Variants in MCM6 observed in about 807,000 individuals in gnomAD.
MCM6 encodes the protein DNA replication licensing factor MCM6.
MCM6 carries 46 observed loss-of-function variants against 94.3 expected under a neutral mutation model. The ratio of observed to expected loss-of-function variants is 0.49; its 90% CI spans 0.39 to 0.62. The LOEUF (loss-of-function observed/expected upper bound fraction) is 0.62, where lower values mean the gene tolerates loss of function less well. Ranked by LOEUF, MCM6 falls within the 20% of genes least tolerant of loss-of-function variation. MCM6 has a pLI of 0.00. For missense variants in MCM6, 865 were observed against 1,017.9 expected, an observed-to-expected ratio of 0.85 and a Z score of 2.04; for synonymous variants, 335 against 351.9, an observed-to-expected ratio of 0.95 and a Z score of 0.54.
At chr2:135,873,416 GAAAT>G (rs1456046941) in intron 1 of MCM6, among the ~76,000 whole-genome samples, 1 of 152,168 alleles carries the variant, frequency 6.6e-6, no homozygotes, top group African/African-American at 2.4e-5. Context: ...AAGCAGAACA[GAAAT>G]AAGAATACAT....
chr2:135,844,619 C>G lies in MCM6; in HGVS notation c.2275G>C (p.Glu759Gln), dbSNP rs2105571629. ...ATAAGTTCTTCTTCAGAGTCTATCT[C>G]TGATTCGATTTCCTTCAAGTACCAG... is the stretch of plus-strand genomic sequence containing the variant. ...VNWYLKEIES[E>Q]IDSEEELINK... The change falls in exon 16 of 17, where the codon GAG becomes CAG. Residue 759 changes from glutamate (E) to glutamine (Q), a missense_variant. By Grantham distance (29) the Glu-to-Gln change is conservative. Coordinates refer to ENST00000264156, the MANE Select transcript of MCM6 (RefSeq NM_005915.6). 3 of 1,588,894 alleles carry G rather than the reference C, an allele frequency of 1.9e-6. No individual in the cohort carries two copies. The East Asian group carries it at 6.9e-5, about 36-fold the overall frequency.
At chr2:135,873,862 T>A (rs1680248965) in intron 1 of MCM6, among the ~76,000 whole-genome samples, 1 of 152,162 alleles carries the variant, frequency 6.6e-6, no homozygotes, top group Non-Finnish European at 1.5e-5. Flanking sequence ...GTTATACATA[T>A]AAAAGGTGGC....
chr2:135,863,496 C>T (rs950919800), intron 7 of MCM6, among the ~76,000 whole-genome samples: 2 of 151,986 alleles, frequency 1.3e-5, no homozygotes, highest in Non-Finnish European at 2.9e-5. Flanking sequence ...AAGGCCAAGG[C>T]GGGAGGATTG....
intron 1 of MCM6, 40 bp from the exon 2 acceptor site, chr2:135,872,883 C>A (rs1413804591): frequency 6.2e-7 from 1 of 1,607,340 alleles, no homozygotes; most frequent in Non-Finnish European, 8.5e-7. Context: ...AGGACACAGG[C>A]AGTACAAAGA....
chr2:135,847,946 T>C, intron 14 of MCM6, 107 bp downstream of exon 14: 2 of 725,400 alleles, frequency 2.8e-6, no homozygotes, highest in East Asian at 5.0e-5. Flanking sequence ...TTTTCCGTTT[T>C]GCTACCATAG....
At chr2:135,852,367 C>G (rs1679792999) in intron 12 of MCM6, among the ~76,000 whole-genome samples, 1 of 152,076 alleles carries the variant, frequency 6.6e-6, no homozygotes, top group Non-Finnish European at 1.5e-5. Flanking sequence ...TAGTCCAATA[C>G]AATGCATCAA....
Position 135,866,129 on chromosome 2 carries a change from G to A in MCM6, c.927+3C>T. ...ACAAACAAAAACCCCCAAAACGACT[G>A]ACCCTTGGGTTGGTTGGCGCAACAC... On this transcript the variant is annotated splice_donor_region_variant and intron_variant, in intron 6 of 16. Transcript: ENST00000264156. The A allele has an allele frequency of 6.2e-7, 1 of 1,613,378 alleles. No homozygotes were observed.
chr2:135,872,693 A>G lies in MCM6; in HGVS notation c.254+4T>C. 6.2e-7 allele frequency: 1 copy of G among 1,614,068 alleles called. No homozygotes were observed. The highest frequency in any genetic ancestry group is 1.3e-5 in the African/African-American group (1 of 75,038). On this transcript the variant is annotated splice_donor_region_variant and intron_variant, in intron 2 of 16. Coordinates refer to ENST00000264156, the MANE Select transcript of MCM6 (RefSeq NM_005915.6). ...CAAAGTAAAGAAGATTAATATGCCCATACCTATAGAACTCCTCTTGAATGG... is the reference window on the plus strand; with the variant it reads ...CAAAGTAAAGAAGATTAATATGCCCGTACCTATAGAACTCCTCTTGAATGG...
intron 11 of MCM6, among the ~76,000 whole-genome samples, chr2:135,856,074 G>A (rs1191397350): frequency 2.0e-5 from 3 of 151,840 alleles, no homozygotes; most frequent in African/African-American, 4.8e-5. Context: ...TGGCATCCCA[G>A]TTTTTTTCAA....
intron 8 of MCM6, among the ~76,000 whole-genome samples, chr2:135,862,183 GA>G (rs1372484136): frequency 3.7e-4 from 56 of 150,886 alleles, no homozygotes; most frequent in Non-Finnish European, 4.0e-4. Context: ...AAGAAACATG[GA>G]AAAAATGTTT....
chr2:135,863,566 A>T (rs1182133065), intron 7 of MCM6, among the ~76,000 whole-genome samples: 1 of 152,070 alleles, frequency 6.6e-6, no homozygotes, highest in African/African-American at 2.4e-5. Flanking sequence ...TCTCTAAAAA[A>T]AAAAATTTTT....
intron 8 of MCM6, 122 bp downstream of exon 8, chr2:135,862,485 T>A (rs1248718919): frequency 2.8e-6 from 3 of 1,067,128 alleles, no homozygotes; most frequent in Non-Finnish European, 4.0e-6. Flanking sequence ...GAGAATTATA[T>A]ATTCAACATA....
chr2:135,863,797 C>T (rs1680037444), intron 7 of MCM6, among the ~76,000 whole-genome samples: 2 of 150,952 alleles, frequency 1.3e-5, no homozygotes, highest in Non-Finnish European at 2.9e-5. Flanking sequence ...ACAAACAAAA[C>T]TTCTCTGACT....
chr2:135,840,939 T>C lies in MCM6; in HGVS notation c.2362A>G (p.Ile788Val). The C allele has an allele frequency of 6.2e-7, 1 of 1,613,154 alleles. No homozygotes were observed. The highest frequency in any genetic ancestry group is 8.5e-7 in the Non-Finnish European group (1 of 1,179,076). ...HRLTHYDHVL[I>V]ELTQAGLKGS... Reference sequence around the variant, plus strand: ...TTCAATCCAGCCTGGGTGAGCTCAATTAGAACATGATCCTGTGAAACACAA... The same window carrying C: ...TTCAATCCAGCCTGGGTGAGCTCAACTAGAACATGATCCTGTGAAACACAA... The change falls in exon 17 of 17, where the codon ATT becomes GTT. Residue 788 changes from isoleucine (I) to valine (V), a missense_variant. Transcript: ENST00000264156.
intron 8 of MCM6, among the ~76,000 whole-genome samples, chr2:135,861,647 C>G (rs1243055409): frequency 6.6e-6 from 1 of 152,154 alleles, no homozygotes; most frequent in Non-Finnish European, 1.5e-5. Context: ...GAGTCTTGCT[C>G]TGTTGCCCAG....
Position 135,848,121 on chromosome 2 carries a change from G to C in MCM6, c.1985C>G (p.Pro662Arg). Residue 662 changes from proline (P) to arginine (R), a missense_variant, in exon 14 of 17, where the codon CCT becomes CGT. By Grantham distance (103) the Pro-to-Arg change is moderately radical (BLOSUM62 -2). Around this residue, in one of 3 missense-constraint regions of MCM6, gnomAD observed 308 missense variants for 324.5 expected, o/e 0.95. Coordinates refer to ENST00000264156, the MANE Select transcript of MCM6 (RefSeq NM_005915.6). Reference sequence around the variant, plus strand: ...TTCCTCTTGATCTAGATTGACATCAGGTGTTTCCACACGGATGATTGATTT... The same window carrying C: ...TTCCTCTTGATCTAGATTGACATCACGTGTTTCCACACGGATGATTGATTT... ...LNKSIIRVET[P>R]DVNLDQEEEI... The C allele has an allele frequency of 6.2e-7, 1 of 1,610,920 alleles. No homozygotes were observed. The highest frequency in any genetic ancestry group is 8.5e-7 in the Non-Finnish European group (1 of 1,177,230).
In MCM6 at chr2:135,851,436, G is replaced by T; in HGVS notation, c.1883C>A (p.Ser628Tyr). Residue 628 changes from serine (S) to tyrosine (Y), a missense_variant, in exon 13 of 17, where the codon TCT becomes TAT. Ser to Tyr is a moderately radical substitution (Grantham distance 144). Transcript: ENST00000264156. ...GCAGTGCATCCGAGCCATAGCTTCA[G>T]AGAGACGAATCATGCTCTCAAGCTG... ...VRQLESMIRL[S>Y]EAMARMHCCD... 1 of 1,613,794 alleles carries T rather than the reference G, an allele frequency of 6.2e-7. No individual in the cohort carries two copies. The highest frequency in any genetic ancestry group is 8.5e-7 in the Non-Finnish European group (1 of 1,179,872).
At chr2:135,850,023 G>A (rs112278910) in intron 13 of MCM6, among the ~76,000 whole-genome samples, 1 of 151,842 alleles carries the variant, frequency 6.6e-6, no homozygotes, top group Non-Finnish European at 1.5e-5. Context: ...TTTAAAAATA[G>A]AACAAAATAA....
Position 135,866,654 on chromosome 2 carries a change from A to C in MCM6, c.690T>G (p.Ala230=). Residue 230 remains alanine, a synonymous_variant, in exon 5 of 17, where the codon GCT becomes GCG. Transcript: ENST00000264156. ...CAGCTTGAGCTGATTCCACAGCTTC[A>C]GCCCTTAAAATTACTTCTAAACTGC... The part of the protein sequence containing the change: ...IPRSLEVILR[A]EAVESAQAGD... 6.2e-7 allele frequency: 1 copy of C among 1,614,198 alleles called. No homozygotes were observed. Among genetic ancestry groups the C allele is most frequent in the South Asian group, 1.1e-5 (1 of 91,074 alleles).
Sources: gnomAD v4.1 joint callset for allele counts (sites outside exome capture counted in the v4.1 genomes callset) on GRCh38, gnomAD v4.1.1 for gene constraint, gnomAD v4.1.1 regional missense constraint, MANE v1.5 for transcripts, NCBI Gene and HGNC (gene_info 2026-07-23, HGNC 2026-07-21) for gene names.